COL13A1: variants seen among roughly 807,000 people sequenced by gnomAD.
The protein encoded by COL13A1 is collagen alpha-1(XIII) chain.
In COL13A1, 89 loss-of-function variants were observed where a neutral mutation model predicts 130.9. The ratio of observed to expected loss-of-function variants is 0.68; its 90% CI spans 0.57 to 0.81. The LOEUF (loss-of-function observed/expected upper bound fraction) is 0.81. Ranked by LOEUF, COL13A1 falls within the 30% of genes least tolerant of loss-of-function variation. COL13A1 has a pLI of 0.00. For synonymous variants in COL13A1, 402 were observed against 341.6 expected, an observed-to-expected ratio of 1.18 and a Z score of -1.95; for missense variants, 879 against 934.6, an observed-to-expected ratio of 0.94 and a Z score of 0.78.
Position 69,927,240 on chromosome 10 carries a change from C to T in COL13A1, c.1422+130C>T, listed in dbSNP as rs1321991614. On this transcript the variant is annotated intron_variant, in intron 27 of 40. Transcript: ENST00000645393. ...GGGCTGCAGATTAGGGTTGACCCAA[C>T]AGGGCTGGGGCAGATGATGATCTGA... The T allele has an allele frequency of 1.4e-5, 20 of 1,417,172 alleles. No individual in the cohort carries two copies. In the East Asian group the frequency reaches 4.5e-4, roughly 32 times the overall value. The allele number at this position is 1,417,172 out of a possible 1,614,324, so 87.8% of individuals were successfully genotyped here.
chr10:69,879,135 C>T (rs2134271970), intron 6 of COL13A1, among the ~76,000 whole-genome samples: 1 of 152,340 alleles, frequency 6.6e-6, no homozygotes, highest in South Asian at 2.1e-4. Context: ...GGCCAAGTCA[C>T]ATGCCCCGGG....
At chr10:69,957,380 C>T (rs76413977) in intron 40 of COL13A1, among the ~76,000 whole-genome samples, 1,821 of 152,298 alleles carry the variant, frequency 0.012, 13 homozygotes, top group Middle Eastern at 0.027. Flanking sequence ...CCTCTAAGGT[C>T]GTTTATGCCA....
intron 1 of COL13A1, among the ~76,000 whole-genome samples, chr10:69,808,106 G>T (rs940927263): frequency 3.3e-5 from 5 of 152,062 alleles, no homozygotes; most frequent in African/African-American, 1.2e-4. Context: ...GAGCTCTGCC[G>T]CTTCTCCAAA....
chr10:69,925,938 CA>C, intron 26 of COL13A1, 66 bp downstream of exon 26: 1 of 1,369,554 alleles, frequency 7.3e-7, no homozygotes, highest in African/African-American at 1.4e-5. Flanking sequence ...ATGCCCTGAT[CA>C]GGGGGCCCTT....
chr10:69,874,416 T>C (rs1024682247), intron 4 of COL13A1, among the ~76,000 whole-genome samples: 1 of 152,184 alleles, frequency 6.6e-6, no homozygotes, highest in Non-Finnish European at 1.5e-5. Flanking sequence ...ATGCATATGA[T>C]GGCAAAAAAA....
At position 69,902,480 on chromosome 10, in the gene COL13A1, C is replaced by T. The variant is rs569057652; in HGVS notation, c.751-268C>T. ...ACCCACTCCTCTGCCTCTGCCCCCC[C>T]GCAGAATGTCTCTCCGCAGCAACTC... On this transcript the variant is annotated intron_variant, in intron 14 of 40. Coordinates refer to ENST00000645393, the MANE Select transcript of COL13A1 (RefSeq NM_001368882.1). Among the ~76,000 whole-genome samples the T allele has an allele frequency of 6.6e-4, 100 of 152,308 alleles. 1 individual carries two copies. Among genetic ancestry groups the T allele is most frequent in the Non-Finnish European group, 1.2e-3 (83 of 68,018 alleles).
At chr10:69,895,705 C>A in intron 13 of COL13A1, 129 bp downstream of exon 13, 1 of 991,858 alleles carries the variant, frequency 1.0e-6, no homozygotes, top group Non-Finnish European at 1.6e-6. Context: ...ACCCACTGCC[C>A]TCTGCACTCA....
intron 17 of COL13A1, among the ~76,000 whole-genome samples, chr10:69,916,885 T>C (rs1201046403): frequency 6.6e-6 from 1 of 152,026 alleles, no homozygotes; most frequent in Non-Finnish European, 1.5e-5. Context: ...AGGCAAGAAG[T>C]CCCAGGCAGG....
Position 69,937,638 on chromosome 10 carries a change from G to A in COL13A1, c.1801G>A (p.Glu601Lys). Residue 601 changes from glutamate (E) to lysine (K), a missense_variant, in exon 34 of 41, where the codon GAA becomes AAA. By Grantham distance (56) the Glu-to-Lys change is moderately conservative. Around this residue, in one of 3 missense-constraint regions of COL13A1, gnomAD observed 96 missense variants for 147.7 expected, o/e 0.65. Coordinates refer to ENST00000645393, the MANE Select transcript of COL13A1 (RefSeq NM_001368882.1). ...GLQGVPGPKG[E>K]AGLDGAKGEK... The stretch of plus-strand genomic sequence containing the variant: ...GTCCCCTCTCCCTTTCCTCCAGGGG[G>A]AAGCAGGACTAGATGGAGCAAAAGG... 2 of 1,501,230 alleles carry A rather than the reference G, an allele frequency of 1.3e-6. No homozygotes were observed. The highest frequency in any genetic ancestry group is 1.1e-5 in the South Asian group (1 of 88,686). The allele number at this position is 1,501,230 out of a possible 1,614,324, so 93.0% of individuals were successfully genotyped here. A position where few individuals can be genotyped will look rare whatever the true frequency, so the allele number is the denominator to read the frequency against.
intron 2 of COL13A1, among the ~76,000 whole-genome samples, chr10:69,840,301 C>T (rs371412351): frequency 2.0e-5 from 3 of 152,244 alleles, no homozygotes; most frequent in African/African-American, 7.2e-5. Flanking sequence ...ACAGCGGCAT[C>T]GAAGGAGCCC....
intron 2 of COL13A1, among the ~76,000 whole-genome samples, chr10:69,862,819 C>A (rs1354385995): frequency 6.6e-6 from 1 of 152,166 alleles, no homozygotes; most frequent in Non-Finnish European, 1.5e-5. Flanking sequence ...AGAGTGGGAA[C>A]AATAACCAAC....
intron 2 of COL13A1, among the ~76,000 whole-genome samples, chr10:69,852,623 C>T (rs1029524651): frequency 1.3e-5 from 2 of 152,250 alleles, no homozygotes; most frequent in African/African-American, 2.4e-5. Context: ...GGTGACTGGG[C>T]TGGTGTGGAC....
intron 26 of COL13A1, among the ~76,000 whole-genome samples, chr10:69,926,204 A>G (rs1381521251): frequency 6.6e-6 from 1 of 152,198 alleles, no homozygotes; most frequent in Non-Finnish European, 1.5e-5. Context: ...CTGGGGCCCC[A>G]TTTCTTTAAT....
intron 38 of COL13A1, 69 bp from the exon 39 acceptor site, chr10:69,952,813 T>C (rs1285158812): frequency 1.5e-5 from 16 of 1,098,328 alleles, no homozygotes; most frequent in Non-Finnish European, 2.1e-5. Flanking sequence ...TTTTTCTGTC[T>C]TCAACCTTAA....
At chr10:69,918,362 A>G in intron 19 of COL13A1, 45 bp downstream of exon 19, 1 of 1,600,428 alleles carries the variant, frequency 6.2e-7, no homozygotes, top group Non-Finnish European at 8.5e-7. Context: ...AGGGTGGGAG[A>G]GAAGAGAGCG....
chr10:69,944,492 CA>C (rs1246336463), intron 36 of COL13A1, among the ~76,000 whole-genome samples: 1 of 151,984 alleles, frequency 6.6e-6, no homozygotes, highest in Non-Finnish European at 1.5e-5. Flanking sequence ...CCAGACTCTA[CA>C]AAAAATTTTT....
intron 36 of COL13A1, among the ~76,000 whole-genome samples, chr10:69,945,148 C>A (rs976786003): frequency 6.6e-6 from 1 of 152,156 alleles, no homozygotes; most frequent in African/African-American, 2.4e-5. Flanking sequence ...TGTGGGCATC[C>A]GTCGAGTTCT....
intron 2 of COL13A1, among the ~76,000 whole-genome samples, chr10:69,832,169 T>C (rs1848976499): frequency 5.9e-5 from 9 of 152,246 alleles, no homozygotes; most frequent in Admixed American, 5.9e-4. Context: ...CTACTCCTAC[T>C]TCCCTGATCT....
chr10:69,940,969 A>G lies in COL13A1; in HGVS notation c.1879-19A>G. On this transcript the variant is annotated intron_variant, in intron 34 of 40. Transcript: ENST00000645393. ...TCCTCTCTTCCCCTTCTTTTGGTCA[A>G]ACTGTGCCCTTCGTCCAGGGAGCTT... 6.2e-7 allele frequency: 1 copy of G among 1,613,590 alleles called. No individual in the cohort carries two copies. Among genetic ancestry groups the G allele is most frequent in the Non-Finnish European group, 8.5e-7 (1 of 1,179,788 alleles).
Sources: allele counts gnomAD v4.1 joint callset (sites outside exome capture counted in the v4.1 genomes callset), GRCh38; gene constraint gnomAD v4.1.1; regional missense constraint gnomAD v4.1.1; transcripts MANE v1.5; gene names NCBI Gene and HGNC (gene_info 2026-07-23, HGNC 2026-07-21).